The following ABAT variants were observed in gnomAD, a reference collection of about 807,000 sequenced individuals.
ABAT encodes the protein 4-aminobutyrate aminotransferase, mitochondrial.
ABAT carries 45 observed loss-of-function variants against 64.6 expected under a neutral mutation model. That is an observed-to-expected ratio of 0.70 (90% CI 0.55 to 0.89). The LOEUF (loss-of-function observed/expected upper bound fraction) is 0.89. Among genes scored for constraint, ABAT ranks in the 40% least tolerant of loss-of-function variants. The probability of loss-of-function intolerance (pLI) is 0.00; values close to 1 mark genes in which losing one functional copy is unlikely to be tolerated. For synonymous variants in ABAT, 297 were observed against 250.5 expected, an observed-to-expected ratio of 1.19 and a Z score of -1.75; for missense variants, 633 against 658.4, an observed-to-expected ratio of 0.96 and a Z score of 0.42.
chr16:8,756,900 G>A (rs1183167521), intron 5 of ABAT, among the ~76,000 whole-genome samples: 1 of 152,196 alleles, frequency 6.6e-6, no homozygotes, highest in Non-Finnish European at 1.5e-5. Context: ...AAGCCTTGTT[G>A]TGCAATGTCA....
chr16:8,769,853 G>A (rs1232807159), intron 11 of ABAT, among the ~76,000 whole-genome samples: 1 of 152,136 alleles, frequency 6.6e-6, no homozygotes, highest in Non-Finnish European at 1.5e-5. Context: ...ATCACTGTTT[G>A]GGTATAGATT....
chr16:8,723,809 T>TATATATATATATATATATATATA (rs2058445970), intron 1 of ABAT, among the ~76,000 whole-genome samples: 5 of 44,806 alleles, frequency 1.1e-4, no homozygotes, highest in African/African-American at 4.1e-4. Flanking sequence ...TCCAAGCTTT[T>TATATATATATATATATATATATA]TATATATATA....
intron 1 of ABAT, among the ~76,000 whole-genome samples, chr16:8,718,059 G>C (rs569972922): frequency 6.6e-6 from 1 of 152,156 alleles, no homozygotes; most frequent in African/African-American, 2.4e-5. Flanking sequence ...CTCTGCCGTT[G>C]ACAAGCTGTG....
intron 6 of ABAT, among the ~76,000 whole-genome samples, chr16:8,761,995 CTCCTT>C (rs1567309099): frequency 3.4e-5 from 5 of 147,194 alleles, no homozygotes; most frequent in East Asian, 2.0e-4. Context: ...CCTTCTCCTT[CTCCTT>C]CTTCTCCTTC....
At chr16:8,773,158 A>ATTTT (rs57095363) in intron 12 of ABAT, among the ~76,000 whole-genome samples, 1 of 126,910 alleles carries the variant, frequency 7.9e-6, no homozygotes, top group African/African-American at 3.3e-5. Flanking sequence ...ATATATATAT[A>ATTTT]TTTTTTTTTT....
chr16:8,715,984 C>T (rs1316891083), intron 1 of ABAT, among the ~76,000 whole-genome samples: 1 of 152,094 alleles, frequency 6.6e-6, no homozygotes, highest in African/African-American at 2.4e-5. Context: ...TTAACAGTTT[C>T]GAGGATTACA....
intron 1 of ABAT, among the ~76,000 whole-genome samples, chr16:8,732,677 G>T (rs1308178333): frequency 4.0e-5 from 6 of 151,202 alleles, no homozygotes; most frequent in African/African-American, 7.4e-5. Flanking sequence ...CACCTTTCCC[G>T]CCTTTCTATT....
rs1051067625 is a variant in ABAT at position 8,781,261 on chromosome 16, T to C, written c.1382-48T>C. ...CACTTTCCCCCCAGCTCTCCCAGCA[T>C]GTGACTTTGAGAAACCACGCTCCTC... On this transcript the variant is annotated intron_variant, in intron 15 of 15. Coordinates refer to ENST00000268251, the MANE Select transcript of ABAT (RefSeq NM_020686.6). This position sits in a 1 kb window ranked among gnomAD's most constrained non-coding sequence, Gnocchi z 4.5. The C allele has an allele frequency of 3.1e-6, 5 of 1,613,346 alleles. No individual in the cohort carries two copies. Among genetic ancestry groups the C allele is most frequent in the Non-Finnish European group, 3.4e-6 (4 of 1,179,810 alleles).
At chr16:8,701,501 G>A (rs753552342) in intron 1 of ABAT, among the ~76,000 whole-genome samples, 1 of 152,226 alleles carries the variant, frequency 6.6e-6, no homozygotes, top group Non-Finnish European at 1.5e-5. Flanking sequence ...TCCCCGATGG[G>A]TTGGACCCCA....
intron 1 of ABAT, among the ~76,000 whole-genome samples, chr16:8,682,220 CACACACAG>C (rs1465448267): frequency 7.7e-4 from 112 of 144,910 alleles, no homozygotes; most frequent in South Asian, 1.5e-3. Context: ...CACACACACA[CACACACAG>C]AGGAGGCATT....
At chr16:8,686,635 C>T (rs891236707) in intron 1 of ABAT, among the ~76,000 whole-genome samples, 2 of 152,086 alleles carry the variant, frequency 1.3e-5, no homozygotes, top group Non-Finnish European at 2.9e-5. Flanking sequence ...ACTGACTCGC[C>T]CAGGGTCTCC....
At chr16:8,719,073 AC>A (rs1355588814) in intron 1 of ABAT, among the ~76,000 whole-genome samples, 3 of 152,090 alleles carry the variant, frequency 2.0e-5, no homozygotes, top group Admixed American at 2.0e-4. Flanking sequence ...AATCACACCG[AC>A]CTGATTTGTT....
intron 1 of ABAT, among the ~76,000 whole-genome samples, chr16:8,679,630 GTAGGTGC>G (rs2057286212): frequency 6.6e-6 from 1 of 151,572 alleles, no homozygotes; most frequent in Non-Finnish European, 1.5e-5. Flanking sequence ...CCAGTACTTA[GTAGGTGC>G]TTAATTAACA....
intron 2 of ABAT, among the ~76,000 whole-genome samples, chr16:8,744,423 A>G (rs1567299846): frequency 6.6e-6 from 1 of 151,930 alleles, no homozygotes; most frequent in African/African-American, 2.4e-5. Flanking sequence ...TCTGAAGTGC[A>G]GTGGCACAAT....
At chr16:8,780,982 C>T (rs567592838) in intron 15 of ABAT, among the ~76,000 whole-genome samples, 1 of 152,172 alleles carries the variant, frequency 6.6e-6, no homozygotes, top group Admixed American at 6.5e-5. Context: ...AGGACTTTAT[C>T]TCAGGATTTC....
chr16:8,733,063 CCGGGCGGGGGG>C (rs2058791231), intron 1 of ABAT, among the ~76,000 whole-genome samples: 2 of 144,796 alleles, frequency 1.4e-5, no homozygotes, highest in Non-Finnish European at 3.0e-5. Flanking sequence ...GGGCGGCTGG[CCGGGCGGGGGG>C]CTGACCCCCC....
chr16:8,675,239 G>T (rs149407890), intron 1 of ABAT, among the ~76,000 whole-genome samples: 1 of 151,980 alleles, frequency 6.6e-6, no homozygotes, highest in East Asian at 1.9e-4. Flanking sequence ...CAGATACTGG[G>T]CTCTGGAGAG....
At chr16:8,691,287 A>G (rs1054146449) in intron 1 of ABAT, among the ~76,000 whole-genome samples, 6 of 152,154 alleles carry the variant, frequency 3.9e-5, no homozygotes, top group African/African-American at 1.4e-4. Flanking sequence ...CAGAACTTGC[A>G]CCAGGTCCTC....
Position 8,764,664 on chromosome 16 carries a change from C to T in ABAT, c.448-74C>T, listed in dbSNP as rs1230328754. 2 of 1,396,064 alleles carry T rather than the reference C, an allele frequency of 1.4e-6. No individual in the cohort carries two copies. Among genetic ancestry groups the T allele is most frequent in the Non-Finnish European group, 2.0e-6 (2 of 983,034 alleles). The allele number at this position is 1,396,064 out of a possible 1,614,324, so 86.5% of individuals were successfully genotyped here. A position where few individuals can be genotyped will look rare whatever the true frequency, so the allele number is the denominator to read the frequency against. Reference sequence around the variant, plus strand: ...CCCCGGTACGGCCCCTGCGAAGATTCAGCTCCAGCCAGGGGAAGCGGGAGG... The same window carrying T: ...CCCCGGTACGGCCCCTGCGAAGATTTAGCTCCAGCCAGGGGAAGCGGGAGG... On this transcript the variant is annotated intron_variant, in intron 7 of 15. Transcript: ENST00000268251. This position sits in a 1 kb window ranked among gnomAD's most constrained non-coding sequence, Gnocchi z 4.2.
Sources: allele counts gnomAD v4.1 joint callset (sites outside exome capture counted in the v4.1 genomes callset), GRCh38; gene constraint gnomAD v4.1.1; non-coding constraint Gnocchi (gnomAD v3.1); transcripts MANE v1.5; gene names NCBI Gene and HGNC (gene_info 2026-07-23, HGNC 2026-07-21).